RAB27B: variants seen among roughly 807,000 people sequenced by gnomAD.
RAB27B encodes the protein RAB27B, member RAS oncogene family, also known as ras-related protein Rab-27B.
A neutral mutation model predicts 24.6 loss-of-function variants in RAB27B; 15 were observed. That is an observed-to-expected ratio of 0.61 (90% CI 0.41 to 0.94). The LOEUF is 0.94. RAB27B is among the 40% of genes least tolerant of loss of function. RAB27B has a pLI of 0.00. For synonymous variants in RAB27B, 105 were observed against 92.5 expected, an observed-to-expected ratio of 1.14 and a Z score of -0.78; for missense variants, 261 against 266.8, an observed-to-expected ratio of 0.98 and a Z score of 0.15.
chr18:54,742,412 A>T (rs1259900144), intron 2 of RAB27B, among the ~76,000 whole-genome samples: 1 of 152,236 alleles, frequency 6.6e-6, no homozygotes, highest in African/African-American at 2.4e-5. Flanking sequence ...GTACATGTAC[A>T]TGATGTTACT....
chr18:54,891,198 A>T lies in RAB27B; in HGVS notation c.*1785A>T, dbSNP rs558655267. On this transcript the variant is annotated 3_prime_UTR_variant, in exon 6 of 6. Transcript: ENST00000262094. ...CAGTTTCAGAAACACAGACAGATCC[A>T]AGGAAATGTCTCTTTATAATGTTCT... The T allele has an allele frequency of 8.1e-4, 124 of 152,234 alleles. No homozygotes were observed. The highest frequency in any genetic ancestry group is 2.9e-3 in the African/African-American group (121 of 41,544). The allele number at this position is 152,234 out of a possible 1,614,324, so 9.4% of individuals were successfully genotyped here.
intron 2 of RAB27B, among the ~76,000 whole-genome samples, chr18:54,760,619 A>G (rs144726979): frequency 2.0e-5 from 3 of 152,328 alleles, no homozygotes; most frequent in African/African-American, 7.2e-5. Flanking sequence ...TGGCAGGACT[A>G]TAAACATCTT....
intron 1 of RAB27B, among the ~76,000 whole-genome samples, chr18:54,869,158 T>C (rs1198367860): frequency 1.3e-5 from 2 of 152,238 alleles, no homozygotes; most frequent in African/African-American, 4.8e-5. Context: ...AGCTCTTTGC[T>C]TTCATGTTGT....
At chr18:54,819,786 A>G (rs1468652057) in intron 2 of RAB27B, among the ~76,000 whole-genome samples, 1 of 111,074 alleles carries the variant, frequency 9.0e-6, no homozygotes, top group Non-Finnish European at 1.8e-5. Flanking sequence ...CCACCCCACA[A>G]CAGGCTCCCG....
rs1913341903 is a variant in RAB27B, at chr18:54,890,944, T to C, written c.*1531T>C. 6.6e-6 allele frequency: 1 copy of C among 151,714 alleles called. No homozygotes were observed. Among genetic ancestry groups the C allele is most frequent in the South Asian group, 2.1e-4 (1 of 4,808 alleles). The allele number at this position is 151,714 out of a possible 1,614,324, so 9.4% of individuals were successfully genotyped here. A position where few individuals can be genotyped will look rare whatever the true frequency, so the allele number is the denominator to read the frequency against. On this transcript the variant is annotated 3_prime_UTR_variant, in exon 6 of 6. Transcript: ENST00000262094. ...AAGCCATTCCTATCAAAATATTATT[T>C]ATTTCAGTCAATTTTACCAAATAAC...
intron 2 of RAB27B, among the ~76,000 whole-genome samples, chr18:54,743,314 T>C (rs1003944610): frequency 2.6e-5 from 4 of 152,316 alleles, no homozygotes; most frequent in African/African-American, 7.2e-5. Context: ...CCCATATTGA[T>C]TGAGTTCCTA....
chr18:54,742,123 C>T (rs1463946934), intron 2 of RAB27B, among the ~76,000 whole-genome samples: 4 of 152,102 alleles, frequency 2.6e-5, no homozygotes, highest in Admixed American at 2.6e-4. Context: ...CTAAAGCAGT[C>T]TTATTTTTCT....
intron 1 of RAB27B, among the ~76,000 whole-genome samples, chr18:54,877,118 A>T (rs1054106461): frequency 2.6e-5 from 4 of 152,036 alleles, no homozygotes; most frequent in Non-Finnish European, 4.4e-5. Context: ...TTCTCACAAG[A>T]TCTGATGGTT....
At chr18:54,854,232 C>T (rs992585834) in intron 1 of RAB27B, among the ~76,000 whole-genome samples, 1 of 152,128 alleles carries the variant, frequency 6.6e-6, no homozygotes, top group Non-Finnish European at 1.5e-5. Flanking sequence ...CAGCCAGGAA[C>T]AAAATTGTCA....
At position 54,812,668 on chromosome 18, in the gene RAB27B, C is replaced by G. The variant is rs891501479; in HGVS notation, c.-19-64899C>G. On this transcript the variant is annotated intron_variant, in intron 2 of 4. Coordinates refer to the RAB27B transcript ENST00000586570. Reference sequence around the variant, plus strand: ...AAATTTTAACCTAGACAATTGCTTTCAAATTTTGAGATTCTATGACTCTAC... The same window carrying G: ...AAATTTTAACCTAGACAATTGCTTTGAAATTTTGAGATTCTATGACTCTAC... 7.1e-4 allele frequency among the ~76,000 whole-genome samples: 108 copies of G among 151,838 alleles called. 1 individual carries two copies. Among genetic ancestry groups the G allele is most frequent in the African/African-American group, 2.5e-3 (104 of 41,386 alleles).
chr18:54,821,333 C>T (rs890228161), intron 2 of RAB27B, among the ~76,000 whole-genome samples: 15 of 152,174 alleles, frequency 9.9e-5, no homozygotes, highest in South Asian at 4.2e-4. Flanking sequence ...TTACAAGGGA[C>T]CTGAAGGACC....
In RAB27B at chr18:54,771,297, G is replaced by A. The variant is rs531663770; in HGVS notation, c.-20+53156G>A. Among the ~76,000 whole-genome samples the A allele has an allele frequency of 3.9e-5, 6 of 152,272 alleles. No individual in the cohort carries two copies. The South Asian group carries it at 1.2e-3, about 32-fold the overall frequency. On this transcript the variant is annotated intron_variant, in intron 2 of 4. Transcript: ENST00000586570. ...ACATGTTTAATGTATACAATTTGGT[G>A]AATTTGCAATAACATGAGTTTGTAA...
intron 2 of RAB27B, among the ~76,000 whole-genome samples, chr18:54,783,680 C>A (rs1908989606): frequency 6.6e-6 from 1 of 152,112 alleles, no homozygotes; most frequent in Non-Finnish European, 1.5e-5. Context: ...GGAAGCTGGA[C>A]CTCAGAAATG....
intron 2 of RAB27B, among the ~76,000 whole-genome samples, chr18:54,747,324 A>C (rs1910285173): frequency 6.6e-6 from 1 of 152,204 alleles, no homozygotes; most frequent in Non-Finnish European, 1.5e-5. Flanking sequence ...GAAGAATACT[A>C]GTTAATATAA....
intron 2 of RAB27B, among the ~76,000 whole-genome samples, chr18:54,812,968 C>G (rs1350317798): frequency 6.6e-6 from 1 of 152,106 alleles, no homozygotes; most frequent in African/African-American, 2.4e-5. Context: ...CATAGATTCT[C>G]TCTCACCCTC....
At chr18:54,844,287 G>A (rs1300914309) in intron 1 of RAB27B, among the ~76,000 whole-genome samples, 8 of 151,968 alleles carry the variant, frequency 5.3e-5, no homozygotes, top group Non-Finnish European at 1.2e-4. Context: ...GAGGGTTAAA[G>A]TTGAAGGCAA....
chr18:54,719,432 G>T (rs1321582458), intron 2 of RAB27B, among the ~76,000 whole-genome samples: 2 of 151,756 alleles, frequency 1.3e-5, no homozygotes, highest in African/African-American at 4.8e-5. Context: ...TACTATATAG[G>T]TATGCTACCT....
chr18:54,871,150 A>G (rs1490795673), intron 1 of RAB27B, among the ~76,000 whole-genome samples: 1 of 152,230 alleles, frequency 6.6e-6, no homozygotes, highest in African/African-American at 2.4e-5. Context: ...ATAGTCTTTA[A>G]GAAGAGTTGA....
At chr18:54,844,446 G>A (rs1249394065) in intron 1 of RAB27B, among the ~76,000 whole-genome samples, 9 of 120,536 alleles carry the variant, frequency 7.5e-5, no homozygotes, top group African/African-American at 2.7e-4. Flanking sequence ...TTGCTCTGTC[G>A]CCCACTGGAG....
Sources: gnomAD v4.1 joint callset for allele counts (sites outside exome capture counted in the v4.1 genomes callset) on GRCh38, gnomAD v4.1.1 for gene constraint, MANE v1.5 for transcripts, NCBI Gene and HGNC (gene_info 2026-07-23, HGNC 2026-07-21) for gene names.